Variants in PALLD observed in about 807,000 individuals in gnomAD.
PALLD encodes palladin, cytoskeletal associated protein.
PALLD carries 61 observed loss-of-function variants against 123.5 expected under a neutral mutation model. The observed-to-expected ratio is 0.49, with a 90% CI of 0.40 to 0.61. The LOEUF (loss-of-function observed/expected upper bound fraction) is 0.61. PALLD is among the 20% of genes least tolerant of loss of function. PALLD has a pLI of 0.00. For synonymous variants in PALLD, 465 were observed against 496.4 expected, an observed-to-expected ratio of 0.94 and a Z score of 0.84; for missense variants, 1,273 against 1,377.0, an observed-to-expected ratio of 0.92 and a Z score of 1.20.
intron 8 of PALLD, chr4:168,700,870 A>T (rs548066646): frequency 2.0e-5 from 3 of 152,314 alleles, no homozygotes; most frequent in African/African-American, 7.2e-5. Context: ...TCTAAAAAAA[A>T]GATTTTAAAA....
At chr4:168,679,946 G>T (rs1580925702) in intron 3 of PALLD, among the ~76,000 whole-genome samples, 1 of 152,024 alleles carries the variant, frequency 6.6e-6, no homozygotes, top group Admixed American at 6.6e-5. Context: ...GGAAGGGACA[G>T]CAAACATTCC....
intron 10 of PALLD, among the ~76,000 whole-genome samples, chr4:168,883,829 G>A (rs1752961862): frequency 6.6e-6 from 1 of 151,946 alleles, no homozygotes; most frequent in Admixed American, 6.6e-5. Flanking sequence ...CAGGAGGCCT[G>A]TTACAAATTG....
At chr4:168,499,275 GGAGGGAGGATGGGAGGGA>G (rs1429703977) in intron 1 of PALLD, among the ~76,000 whole-genome samples, 1 of 67,562 alleles carries the variant, frequency 1.5e-5, no homozygotes, top group African/African-American at 5.9e-5. Context: ...AGGGAGGATG[GGAGGGAGGATGGGAGGGA>G]GGATGGGAGG....
intron 15 of PALLD, 28 bp downstream of exon 15, chr4:168,903,934 G>C: frequency 1.2e-6 from 2 of 1,605,038 alleles, no homozygotes; most frequent in South Asian, 1.1e-5. Flanking sequence ...TCTGGGCTCA[G>C]TTCTGTGTCT....
intron 10 of PALLD, among the ~76,000 whole-genome samples, chr4:168,750,031 C>G (rs1730838028): frequency 1.3e-5 from 2 of 152,022 alleles, no homozygotes. Context: ...ACTGCAACTT[C>G]CACCTTCGAG....
chr4:168,738,187 G>A (rs1201484674), intron 10 of PALLD, among the ~76,000 whole-genome samples: 1 of 152,134 alleles, frequency 6.6e-6, no homozygotes, highest in African/African-American at 2.4e-5. Context: ...AATCAATTAT[G>A]CTTCAAGAGT....
At chr4:168,810,732 C>T (rs1215752237) in intron 10 of PALLD, among the ~76,000 whole-genome samples, 12 of 151,006 alleles carry the variant, frequency 7.9e-5, no homozygotes, top group African/African-American at 2.9e-4. Flanking sequence ...GGCGTGAACC[C>T]GGGAAGCGGA....
At chr4:168,853,102 A>G (rs1306506111) in intron 10 of PALLD, among the ~76,000 whole-genome samples, 2 of 152,264 alleles carry the variant, frequency 1.3e-5, no homozygotes, top group Admixed American at 6.5e-5. Context: ...CACATAGCTA[A>G]TTATTGATAG....
intron 10 of PALLD, among the ~76,000 whole-genome samples, chr4:168,727,887 A>G (rs1309962801): frequency 1.3e-5 from 2 of 152,200 alleles, no homozygotes; most frequent in African/African-American, 4.8e-5. Flanking sequence ...ATTTTTGTAT[A>G]TGGTGAAAGG....
At position 168,747,861 on chromosome 4, in the gene PALLD, A is replaced by AT. The variant is rs575730320; in HGVS notation, c.1964+35943dup. On this transcript the variant is annotated intron_variant, in intron 10 of 21. Transcript: ENST00000505667. ...AGCAATTGTAACTCCCAGAATAATTATTTTTGCTATAAATATTTTGCCCAT... is the reference window on the plus strand; with the variant it reads ...AGCAATTGTAACTCCCAGAATAATTATTTTTTGCTATAAATATTTTGCCCAT... Among the ~76,000 whole-genome samples, 36 of 152,316 alleles carry AT rather than the reference A, an allele frequency of 2.4e-4. No homozygotes were observed. In the South Asian group the frequency reaches 7.3e-3, roughly 31 times the overall value.
At chr4:168,716,093 C>T (rs1208085853) in intron 10 of PALLD, among the ~76,000 whole-genome samples, 1 of 152,208 alleles carries the variant, frequency 6.6e-6, no homozygotes, top group African/African-American at 2.4e-5. Flanking sequence ...CTGAGCTCAC[C>T]TCCTACGGCA....
chr4:168,664,426 A>C (rs1284126059), intron 2 of PALLD, among the ~76,000 whole-genome samples: 2 of 152,224 alleles, frequency 1.3e-5, no homozygotes, highest in Non-Finnish European at 2.9e-5. Flanking sequence ...TCATTATGTA[A>C]TAAAACTCTT....
At chr4:168,805,320 C>T (rs1009711092) in intron 10 of PALLD, among the ~76,000 whole-genome samples, 26 of 152,098 alleles carry the variant, frequency 1.7e-4, no homozygotes, top group African/African-American at 6.3e-4. Flanking sequence ...TAACCATTCT[C>T]TTAAAGAATG....
At chr4:168,710,063 C>G (rs1784687934) in intron 9 of PALLD, among the ~76,000 whole-genome samples, 1 of 152,050 alleles carries the variant, frequency 6.6e-6, no homozygotes. Context: ...GATAAGCCTT[C>G]TTGTATAAAA....
intron 2 of PALLD, among the ~76,000 whole-genome samples, chr4:168,617,825 T>C (rs1033047426): frequency 5.9e-5 from 9 of 152,218 alleles, no homozygotes; most frequent in Admixed American, 2.6e-4. Context: ...ATGGTTATTT[T>C]TGAAAACTGT....
At chr4:168,639,253 A>C (rs1454750886) in intron 2 of PALLD, among the ~76,000 whole-genome samples, 2 of 152,252 alleles carry the variant, frequency 1.3e-5, no homozygotes, top group Non-Finnish European at 1.5e-5. Context: ...TTTATAGATG[A>C]GGAAACTGAG....
chr4:168,898,352 A>G (rs1013740811), intron 13 of PALLD, 141 bp from the exon 14 acceptor site: 21 of 692,180 alleles, frequency 3.0e-5, no homozygotes, highest in Non-Finnish European at 4.8e-5. Flanking sequence ...TTCATATGCA[A>G]TTGAATTGGG....
chr4:168,691,106 C>T (rs945464476), intron 7 of PALLD, among the ~76,000 whole-genome samples, 163 bp from the exon 8 acceptor site: 2 of 151,944 alleles, frequency 1.3e-5, no homozygotes, highest in Admixed American at 6.6e-5. Flanking sequence ...AAATATAAAC[C>T]GATCTATCAC....
At chr4:168,711,533 G>T in intron 9 of PALLD, 48 bp from the exon 10 acceptor site, 1 of 1,272,792 alleles carries the variant, frequency 7.9e-7, no homozygotes, top group Non-Finnish European at 1.2e-6. Context: ...ATCACTTGTT[G>T]AACTAGTGGC....
Sources: gnomAD v4.1 joint callset for allele counts (sites outside exome capture counted in the v4.1 genomes callset) on GRCh38, gnomAD v4.1.1 for gene constraint, MANE v1.5 for transcripts, NCBI Gene and HGNC (gene_info 2026-07-23, HGNC 2026-07-21) for gene names.